The following SLIT2 variants were observed in gnomAD, a reference collection of about 807,000 sequenced individuals.
SLIT2 encodes the protein slit homolog 2 protein.
A neutral mutation model predicts 185.7 loss-of-function variants in SLIT2; 41 were observed. The ratio of observed to expected loss-of-function variants is 0.22; its 90% CI spans 0.17 to 0.29. The LOEUF (loss-of-function observed/expected upper bound fraction) is 0.29. Among genes scored for constraint, SLIT2 ranks in the 10% least tolerant of loss-of-function variants. The pLI is 1.00. For synonymous variants in SLIT2, 693 were observed against 680.2 expected (o/e 1.02, Z -0.29); for missense variants, 1,571 against 1,909.0 (o/e 0.82, Z 3.30).
chr4:20,544,120 A>G (rs1304107382), intron 21 of SLIT2, among the ~76,000 whole-genome samples: 2 of 152,092 alleles, frequency 1.3e-5, no homozygotes, highest in Non-Finnish European at 2.9e-5. Context: ...ACATGTATAC[A>G]TACGTAACAA....
chr4:20,318,316 A>G (rs1006997362), intron 4 of SLIT2, among the ~76,000 whole-genome samples: 1 of 152,192 alleles, frequency 6.6e-6, no homozygotes, highest in African/African-American at 2.4e-5. Flanking sequence ...GCCTAGCTTA[A>G]CATTAGACTT....
intron 16 of SLIT2, among the ~76,000 whole-genome samples, chr4:20,530,203 A>G (rs1721671310): frequency 6.6e-6 from 1 of 151,712 alleles, no homozygotes; most frequent in Non-Finnish European, 1.5e-5. Flanking sequence ...TTTATTTTTT[A>G]TAGACATATA....
At chr4:20,616,005 C>G (rs1392293095) in intron 34 of SLIT2, 1 of 152,180 alleles carries the variant, frequency 6.6e-6, no homozygotes, top group African/African-American at 2.4e-5. Context: ...AAGATTCTTC[C>G]GTTTTGCCAA....
At chr4:20,539,925 G>C (rs552031602) in intron 19 of SLIT2, among the ~76,000 whole-genome samples, 1 of 152,112 alleles carries the variant, frequency 6.6e-6, no homozygotes, top group African/African-American at 2.4e-5. Context: ...TCTCACATTG[G>C]AGTATTTTCA....
At chr4:20,392,477 A>G (rs188396555) in intron 4 of SLIT2, among the ~76,000 whole-genome samples, 49 of 152,232 alleles carry the variant, frequency 3.2e-4, no homozygotes, top group Non-Finnish European at 6.2e-4. Flanking sequence ...CTTCATAAAT[A>G]TTATATACTT....
At chr4:20,341,915 T>C (rs1402894109) in intron 4 of SLIT2, among the ~76,000 whole-genome samples, 1 of 152,202 alleles carries the variant, frequency 6.6e-6, no homozygotes, top group Non-Finnish European at 1.5e-5. Flanking sequence ...GATGTTATAA[T>C]TTTCGCATGA....
chr4:20,539,618 G>T (rs1198041905), intron 19 of SLIT2, 34 bp downstream of exon 19: 3 of 1,423,978 alleles, frequency 2.1e-6, no homozygotes, highest in South Asian at 2.6e-5. Flanking sequence ...TGTATTACTT[G>T]AGCCATTTAT....
chr4:20,251,956 C>T lies in SLIT2; in HGVS notation c.-1860C>T, dbSNP rs1722074237. ...CCCGGACGGCGGAGCTTGGCGGCGG[C>T]GGTGGTGGTGGCTGCCGCAGACTGT... is the stretch of plus-strand genomic sequence containing the variant. On this transcript the variant is annotated 5_prime_UTR_variant, in exon 1 of 37. Transcript: ENST00000504154. 6.6e-6 allele frequency among the ~76,000 whole-genome samples: 1 copy of T among 152,030 alleles called. No individual in the cohort carries two copies. The highest frequency in any genetic ancestry group is 1.5e-5 in the Non-Finnish European group (1 of 67,978).
At chr4:20,344,894 C>G (rs1420123034) in intron 4 of SLIT2, among the ~76,000 whole-genome samples, 1 of 152,070 alleles carries the variant, frequency 6.6e-6, no homozygotes, top group Non-Finnish European at 1.5e-5. Flanking sequence ...TTTTTCTCCT[C>G]TAATGCATTT....
chr4:20,259,451 G>A (rs918568389), intron 3 of SLIT2, among the ~76,000 whole-genome samples: 5 of 151,680 alleles, frequency 3.3e-5, no homozygotes, highest in African/African-American at 1.2e-4. Context: ...GAGTTTAGTT[G>A]TTAACTTCCA....
At chr4:20,444,389 T>TA (rs200746109) in intron 4 of SLIT2, among the ~76,000 whole-genome samples, 3,569 of 146,382 alleles carry the variant, frequency 0.024, 135 homozygotes, top group African/African-American at 0.078. Context: ...GGTTGTTTCT[T>TA]AAAAAAAAAA....
intron 4 of SLIT2, among the ~76,000 whole-genome samples, chr4:20,414,763 A>G (rs961368875): frequency 1.3e-5 from 2 of 152,092 alleles, no homozygotes; most frequent in Admixed American, 6.5e-5. Flanking sequence ...TCCCTTGTGA[A>G]TGATGGTCCG....
At chr4:20,286,867 A>G (rs1456119286) in intron 4 of SLIT2, among the ~76,000 whole-genome samples, 1 of 152,196 alleles carries the variant, frequency 6.6e-6, no homozygotes, top group East Asian at 1.9e-4. Flanking sequence ...CAGGCACAGC[A>G]GTTTAGATTT....
At chr4:20,335,784 A>G (rs1720443987) in intron 4 of SLIT2, among the ~76,000 whole-genome samples, 1 of 152,118 alleles carries the variant, frequency 6.6e-6, no homozygotes, top group African/African-American at 2.4e-5. Context: ...AAAATCAGAG[A>G]AATATTACTG....
chr4:20,285,405 G>C (rs532424869), intron 4 of SLIT2, among the ~76,000 whole-genome samples: 59 of 152,244 alleles, frequency 3.9e-4, no homozygotes, highest in African/African-American at 1.3e-3. Context: ...AGACTACTCA[G>C]GTGATCTCAT....
intron 26 of SLIT2, among the ~76,000 whole-genome samples, chr4:20,563,017 G>A (rs1488476251): frequency 1.3e-5 from 2 of 151,808 alleles, no homozygotes; most frequent in Middle Eastern, 3.4e-3. Flanking sequence ...TGTCAGGTGC[G>A]TAACTAGTGA....
chr4:20,515,862 C>A (rs1215445604), intron 11 of SLIT2, among the ~76,000 whole-genome samples: 1 of 152,202 alleles, frequency 6.6e-6, no homozygotes, highest in Non-Finnish European at 1.5e-5. Flanking sequence ...GTCACCGAGG[C>A]TGGAGTACAA....
intron 4 of SLIT2, among the ~76,000 whole-genome samples, chr4:20,309,036 CATT>C (rs760198810): frequency 2.5e-4 from 38 of 152,174 alleles, no homozygotes; most frequent in Admixed American, 4.6e-4. Flanking sequence ...TCAGATTCAT[CATT>C]ATTATCATAA....
chr4:20,354,692 A>C (rs1375508838), intron 4 of SLIT2, among the ~76,000 whole-genome samples: 1 of 152,144 alleles, frequency 6.6e-6, no homozygotes, highest in East Asian at 1.9e-4. Flanking sequence ...CTCTTTATTA[A>C]GTAGGGTTTG....
Sources: gnomAD v4.1 joint callset for allele counts (sites outside exome capture counted in the v4.1 genomes callset) on GRCh38, gnomAD v4.1.1 for gene constraint, MANE v1.5 for transcripts, NCBI Gene and HGNC (gene_info 2026-07-23, HGNC 2026-07-21) for gene names.